RUNDC3B: variants seen among roughly 807,000 people sequenced by gnomAD.
RUNDC3B encodes RUN domain containing 3B.
A neutral mutation model predicts 58.4 loss-of-function variants in RUNDC3B; 33 were observed. That is an observed-to-expected ratio of 0.56 (90% CI 0.43 to 0.75). The LOEUF is 0.75. Ranked by LOEUF, RUNDC3B falls within the 30% of genes least tolerant of loss-of-function variation. The pLI is 0.00. For missense variants in RUNDC3B, 501 were observed against 535.7 expected (o/e 0.94, Z 0.64); for synonymous variants, 193 against 195.2 (o/e 0.99, Z 0.10).
chr7:87,830,082 A>C lies in RUNDC3B; in HGVS notation c.*52A>C. On this transcript the variant is annotated 3_prime_UTR_variant, in exon 11 of 11. Coordinates refer to ENST00000394654, the MANE Select transcript of RUNDC3B (RefSeq NM_001134405.2). ...TTTATGTTGTAAATGTTTAATTTAC[A>C]TGTTTGACTGCTGGGAAGACCTTTG... is the stretch of plus-strand genomic sequence containing the variant. The C allele has an allele frequency of 8.2e-7, 1 of 1,213,188 alleles. No individual in the cohort carries two copies. The highest frequency in any genetic ancestry group is 2.5e-5 in the East Asian group (1 of 39,538). The allele number at this position is 1,213,188 out of a possible 1,614,324, so 75.2% of individuals were successfully genotyped here. A position where few individuals can be genotyped will look rare whatever the true frequency, so the allele number is the denominator to read the frequency against.
chr7:87,805,858 G>C (rs942388033), intron 8 of RUNDC3B, among the ~76,000 whole-genome samples: 41 of 152,038 alleles, frequency 2.7e-4, no homozygotes, highest in African/African-American at 9.4e-4. Context: ...AAAAACCTAA[G>C]AGAATCCAAA....
chr7:87,659,505 AGTT>A (rs1046944296), intron 2 of RUNDC3B, among the ~76,000 whole-genome samples: 1 of 152,116 alleles, frequency 6.6e-6, no homozygotes, highest in African/African-American at 2.4e-5. Flanking sequence ...TGTGTAGCAT[AGTT>A]GTTTTAAATA....
At chr7:87,815,088 C>T (rs958928673) in intron 9 of RUNDC3B, among the ~76,000 whole-genome samples, 1 of 151,786 alleles carries the variant, frequency 6.6e-6, no homozygotes, top group African/African-American at 2.4e-5. Flanking sequence ...ATTCTTTCCC[C>T]CCCTTCCTCC....
At chr7:87,746,742 G>T (rs1832664363) in intron 6 of RUNDC3B, among the ~76,000 whole-genome samples, 1 of 152,134 alleles carries the variant, frequency 6.6e-6, no homozygotes, top group African/African-American at 2.4e-5. Context: ...GCAGAAGATG[G>T]TTGGTGAGTT....
chr7:87,647,854 T>C (rs1222245620), intron 1 of RUNDC3B, among the ~76,000 whole-genome samples: 3 of 151,942 alleles, frequency 2.0e-5, no homozygotes, highest in East Asian at 1.9e-4. Context: ...AAAGAGTAAA[T>C]TGGCCAACTT....
chr7:87,731,148 A>G (rs892774195), intron 4 of RUNDC3B, among the ~76,000 whole-genome samples: 31 of 152,030 alleles, frequency 2.0e-4, no homozygotes, highest in African/African-American at 7.0e-4. Flanking sequence ...TACAATCAAT[A>G]TCTAACTCTT....
At chr7:87,800,535 T>C (rs1836088055) in intron 8 of RUNDC3B, among the ~76,000 whole-genome samples, 1 of 152,182 alleles carries the variant, frequency 6.6e-6, no homozygotes, top group African/African-American at 2.4e-5. Flanking sequence ...GATCATATGG[T>C]AATTCTATTT....
intron 8 of RUNDC3B, among the ~76,000 whole-genome samples, chr7:87,796,896 C>A (rs1237105713): frequency 6.6e-6 from 1 of 152,102 alleles, no homozygotes; most frequent in Non-Finnish European, 1.5e-5. Context: ...ATTATAAAAT[C>A]TTGTAGTATT....
Position 87,672,312 on chromosome 7 carries a change from T to C in RUNDC3B, c.238+21375T>C, listed in dbSNP as rs553144247. On this transcript the variant is annotated intron_variant, in intron 2 of 10. Coordinates refer to ENST00000394654, the MANE Select transcript of RUNDC3B (RefSeq NM_001134405.2). The stretch of plus-strand genomic sequence containing the variant: ...TATGCTGGGGGATCCTTTCCACCTC[T>C]GGTCAGCTTGGACTCTCCAAAGCCC... Among the ~76,000 whole-genome samples, 4 of 152,308 alleles carry C rather than the reference T, an allele frequency of 2.6e-5. No homozygotes were observed. The East Asian group carries it at 7.7e-4, about 29-fold the overall frequency.
At chr7:87,672,813 G>C (rs1825964155) in intron 2 of RUNDC3B, among the ~76,000 whole-genome samples, 1 of 152,150 alleles carries the variant, frequency 6.6e-6, no homozygotes, top group Non-Finnish European at 1.5e-5. Context: ...AGGTTCCCCT[G>C]GCTCTGCGTT....
At chr7:87,672,909 C>T (rs1167528786) in intron 2 of RUNDC3B, among the ~76,000 whole-genome samples, 2 of 152,104 alleles carry the variant, frequency 1.3e-5, no homozygotes, top group Non-Finnish European at 2.9e-5. Context: ...AATGTGAGTA[C>T]CTGGATGTTT....
intron 6 of RUNDC3B, among the ~76,000 whole-genome samples, chr7:87,755,667 A>G (rs190985268): frequency 3.9e-5 from 6 of 152,338 alleles, no homozygotes; most frequent in African/African-American, 1.2e-4. Context: ...ATAAAATTCA[A>G]CACGCCTTTG....
At chr7:87,637,249 T>C (rs1821872757) in intron 1 of RUNDC3B, among the ~76,000 whole-genome samples, 1 of 152,328 alleles carries the variant, frequency 6.6e-6, no homozygotes, top group East Asian at 1.9e-4. Context: ...TAATTTGTGG[T>C]CTGTTTCTAG....
At chr7:87,812,547 T>G (rs777211604) in intron 9 of RUNDC3B, among the ~76,000 whole-genome samples, 2 of 152,168 alleles carry the variant, frequency 1.3e-5, no homozygotes, top group Non-Finnish European at 2.9e-5. Flanking sequence ...AGGCAGAGGT[T>G]GCAGTGAACC....
chr7:87,754,693 C>A (rs1296579436), intron 6 of RUNDC3B, among the ~76,000 whole-genome samples: 1 of 151,734 alleles, frequency 6.6e-6, no homozygotes, highest in Non-Finnish European at 1.5e-5. Context: ...CCAAGCTAGA[C>A]TAATAAAGAA....
At chr7:87,749,233 A>C (rs1309994832) in intron 6 of RUNDC3B, among the ~76,000 whole-genome samples, 1 of 152,240 alleles carries the variant, frequency 6.6e-6, no homozygotes, top group African/African-American at 2.4e-5. Context: ...TCCTACTTAC[A>C]TGTAAGATAC....
intron 2 of RUNDC3B, among the ~76,000 whole-genome samples, chr7:87,656,394 G>C (rs1824108405): frequency 6.6e-6 from 1 of 152,078 alleles, no homozygotes; most frequent in Non-Finnish European, 1.5e-5. Context: ...CTTAGGAATT[G>C]GTTGGTTGTG....
intron 6 of RUNDC3B, among the ~76,000 whole-genome samples, chr7:87,759,908 C>G (rs1218880491): frequency 6.6e-6 from 1 of 151,948 alleles, no homozygotes; most frequent in East Asian, 1.9e-4. Context: ...TATACCCCAC[C>G]TGTTATGTAC....
chr7:87,749,859 C>CT (rs35378698), intron 6 of RUNDC3B, among the ~76,000 whole-genome samples: 24,006 of 150,424 alleles, frequency 0.16, 2,540 homozygotes, highest in Non-Finnish European at 0.24. Flanking sequence ...TATTTTCTTT[C>CT]TTTTTTTTTA....
Sources: gnomAD v4.1 joint callset for allele counts (sites outside exome capture counted in the v4.1 genomes callset) on GRCh38, gnomAD v4.1.1 for gene constraint, MANE v1.5 for transcripts, NCBI Gene and HGNC (gene_info 2026-07-23, HGNC 2026-07-21) for gene names.